TLK1: variants seen among roughly 807,000 people sequenced by gnomAD.
TLK1 encodes the protein tousled like kinase 1, also known as serine/threonine-protein kinase tousled-like 1.
Under a neutral mutation model 105.3 loss-of-function variants are expected in TLK1, and 24 were observed. The observed-to-expected ratio is 0.23, with a 90% CI of 0.17 to 0.32. The LOEUF (loss-of-function observed/expected upper bound fraction) is 0.32, where lower values mean the gene tolerates loss of function less well. TLK1 is among the 10% of genes least tolerant of loss of function. The pLI, the probability that TLK1 is intolerant of heterozygous loss-of-function variation, is 1.00. For missense variants in TLK1, 558 were observed against 910.5 expected (o/e 0.61, Z 4.98); for synonymous variants, 321 against 310.4 (o/e 1.03, Z -0.36).
At chr2:171,222,998 A>G (rs1381829939) in intron 1 of TLK1, among the ~76,000 whole-genome samples, 1 of 152,092 alleles carries the variant, frequency 6.6e-6, no homozygotes, top group Non-Finnish European at 1.5e-5. Context: ...TATTTTTAGT[A>G]GAGACGGAGT....
At chr2:171,098,705 G>A (rs1444596212) in intron 2 of TLK1, among the ~76,000 whole-genome samples, 1 of 152,038 alleles carries the variant, frequency 6.6e-6, no homozygotes, top group Non-Finnish European at 1.5e-5. Context: ...TACAAATATG[G>A]ATGCAAAAAT....
At chr2:171,161,667 A>AAAACT (rs2105617488), upstream of TLK1, among the ~76,000 whole-genome samples, 1 of 152,332 alleles carries the variant, frequency 6.6e-6, no homozygotes, top group South Asian at 2.1e-4. Flanking sequence ...CATATTTAGG[A>AAAACT]AAACTATACA....
chr2:171,132,400 A>C (rs1691137846), intron 1 of TLK1, among the ~76,000 whole-genome samples: 1 of 152,064 alleles, frequency 6.6e-6, no homozygotes, highest in Non-Finnish European at 1.5e-5. Context: ...ACACAGCTAA[A>C]CCATATCAAC....
intron 2 of TLK1, among the ~76,000 whole-genome samples, chr2:171,096,276 G>T (rs534859346): frequency 6.6e-6 from 1 of 152,136 alleles, no homozygotes; most frequent in South Asian, 2.1e-4. Context: ...AAGATGGGAG[G>T]AATGCTTCAG....
chr2:171,172,650 A>T (rs1199225091), intron 1 of TLK1, among the ~76,000 whole-genome samples: 2 of 152,050 alleles, frequency 1.3e-5, no homozygotes, highest in African/African-American at 2.4e-5. Flanking sequence ...CTGGTTGTTT[A>T]AAAGTGCCAC....
chr2:171,043,840 A>G lies in TLK1; in HGVS notation c.1169+2334T>C, dbSNP rs1220763245. Among the ~76,000 whole-genome samples the G allele has an allele frequency of 3.3e-5, 5 of 152,258 alleles. No individual in the cohort carries two copies. In the East Asian group the frequency reaches 9.7e-4, roughly 29 times the overall value. The stretch of plus-strand genomic sequence containing the variant: ...AGTGATCCTCCCACCGCAGCCTTCC[A>G]AAGCACTGGGATTATAGTGTGAGAC... On this transcript the variant is annotated intron_variant, in intron 11 of 20. Coordinates refer to ENST00000431350, the MANE Select transcript of TLK1 (RefSeq NM_012290.5).
At chr2:171,205,857 T>G (rs966028110) in intron 1 of TLK1, among the ~76,000 whole-genome samples, 2 of 152,184 alleles carry the variant, frequency 1.3e-5, no homozygotes, top group Admixed American at 1.3e-4. Flanking sequence ...GGGATTGAAA[T>G]GAAATATTAT....
At chr2:171,122,544 C>A (rs1362048217) in intron 1 of TLK1, among the ~76,000 whole-genome samples, 2 of 152,112 alleles carry the variant, frequency 1.3e-5, no homozygotes, top group African/African-American at 2.4e-5. Context: ...GAACACAGAT[C>A]TGTAACTTTT....
chr2:171,053,484 T>A (rs1009930897), intron 8 of TLK1, among the ~76,000 whole-genome samples: 10 of 151,982 alleles, frequency 6.6e-5, no homozygotes, highest in Admixed American at 5.9e-4. Flanking sequence ...TGCCTCAGCC[T>A]CCCAAGTAGC....
chr2:171,192,326 A>G (rs950493961), intron 1 of TLK1, among the ~76,000 whole-genome samples: 5 of 152,036 alleles, frequency 3.3e-5, no homozygotes, highest in African/African-American at 1.2e-4. Context: ...ACCGGGACTG[A>G]CGATTATTAT....
At chr2:171,024,551 G>T (rs548743767) in intron 12 of TLK1, among the ~76,000 whole-genome samples, 48 of 152,240 alleles carry the variant, frequency 3.2e-4, no homozygotes, top group Admixed American at 9.8e-4. Context: ...TAATAGAGAT[G>T]CAAGGAAAGC....
intron 8 of TLK1, among the ~76,000 whole-genome samples, chr2:171,050,583 T>C (rs1350454150): frequency 6.6e-6 from 1 of 152,114 alleles, no homozygotes; most frequent in Non-Finnish European, 1.5e-5. Flanking sequence ...CTCTTATAAT[T>C]AACAAATTAA....
At chr2:171,046,497 C>G in intron 10 of TLK1, 135 bp from the exon 11 acceptor site, 5 of 944,596 alleles carry the variant, frequency 5.3e-6, no homozygotes, top group Non-Finnish European at 7.4e-6. Context: ...TCTTGTGAAC[C>G]AATTTGTACT....
intron 13 of TLK1, among the ~76,000 whole-genome samples, chr2:171,013,465 C>T (rs916327610): frequency 1.3e-5 from 2 of 151,602 alleles, no homozygotes; most frequent in African/African-American, 4.8e-5. Flanking sequence ...GCCACCATTC[C>T]CTGCTAAGTT....
intron 2 of TLK1, among the ~76,000 whole-genome samples, chr2:171,096,568 C>G (rs1466405118): frequency 6.6e-6 from 1 of 151,966 alleles, no homozygotes; most frequent in African/African-American, 2.4e-5. Flanking sequence ...ACCAGCCTGG[C>G]CAACACAGTG....
rs1294233851 is a variant in TLK1, at chr2:171,080,709, CTT to C, written c.330+2070_330+2071del. On this transcript the variant is annotated intron_variant, in intron 3 of 20. Transcript: ENST00000431350. Reference sequence around the variant, plus strand: ...GAACAGCAAAAGTCAAAAGATTTTTCTTTTTTTTTTTTTCTTAAGACAGGGTC... The same window carrying C: ...GAACAGCAAAAGTCAAAAGATTTTTCTTTTTTTTTTTCTTAAGACAGGGTC... Among the ~76,000 whole-genome samples, 9 of 144,334 alleles carry C rather than the reference CTT, an allele frequency of 6.2e-5. No homozygotes were observed. In the South Asian group the frequency reaches 6.6e-4, roughly 11 times the overall value. 94.7% of individuals were successfully genotyped at this position (144,334 alleles called of 152,430 possible).
chr2:171,117,580 ATAC>A (rs1461964053), intron 2 of TLK1, among the ~76,000 whole-genome samples, 156 bp downstream of exon 2: 2 of 152,236 alleles, frequency 1.3e-5, no homozygotes, highest in African/African-American at 4.8e-5. Context: ...GAAATATGGT[ATAC>A]TACATTAAAA....
chr2:171,060,073 C>T (rs776125996), intron 4 of TLK1: 85 of 1,575,156 alleles, frequency 5.4e-5, no homozygotes, highest in Middle Eastern at 3.4e-4. Context: ...GAAAGCCAGA[C>T]TAAAGCAAAT....
chr2:170,993,668 TAAAA>T lies in TLK1; in HGVS notation c.*108_*111del, dbSNP rs71008739. On this transcript the variant is annotated 3_prime_UTR_variant, in exon 21 of 21. Coordinates refer to ENST00000431350, the MANE Select transcript of TLK1 (RefSeq NM_012290.5). ...AAACAGTTCTTAACCACGTCTTGTGTAAAAAAAAAAAAAAAAAAAAAAGAAAAAG... is the reference window on the plus strand; with the variant it reads ...AAACAGTTCTTAACCACGTCTTGTGTAAAAAAAAAAAAAAAAAAGAAAAAG... The T allele has an allele frequency of 0.11, 46,362 of 428,784 alleles. 1,067 individuals carry two copies. The highest frequency in any genetic ancestry group is 0.26 in the African/African-American group (9,994 of 38,134). 26.6% of individuals were successfully genotyped at this position (428,784 alleles called of 1,614,324 possible).
Sources: allele counts gnomAD v4.1 joint callset (sites outside exome capture counted in the v4.1 genomes callset), GRCh38; gene constraint gnomAD v4.1.1; transcripts MANE v1.5; gene names NCBI Gene and HGNC (gene_info 2026-07-23, HGNC 2026-07-21).